POLE2: variants seen among roughly 807,000 people sequenced by gnomAD.
POLE2 encodes DNA polymerase epsilon subunit 2.
Under a neutral mutation model 79.4 loss-of-function variants are expected in POLE2, and 56 were observed. That is an observed-to-expected ratio of 0.71 (90% CI 0.57 to 0.88). The LOEUF is 0.88. Ranked by LOEUF, POLE2 falls within the 40% of genes least tolerant of loss-of-function variation. The probability of loss-of-function intolerance (pLI) is 0.00; values close to 1 mark genes in which losing one functional copy is unlikely to be tolerated. For missense variants in POLE2, 598 were observed against 638.9 expected, an observed-to-expected ratio of 0.94 and a Z score of 0.69; for synonymous variants, 212 against 214.0, an observed-to-expected ratio of 0.99 and a Z score of 0.08.
At chr14:49,686,269 TA>T (rs562000080) in intron 1 of POLE2, among the ~76,000 whole-genome samples, 113 of 152,088 alleles carry the variant, frequency 7.4e-4, no homozygotes, top group African/African-American at 2.4e-3. Context: ...AATTTAAAAG[TA>T]AAAAAAATTT....
At chr14:49,657,982 T>C (rs1388480359) in intron 10 of POLE2, among the ~76,000 whole-genome samples, 6 of 152,054 alleles carry the variant, frequency 3.9e-5, no homozygotes, top group Admixed American at 3.9e-4. Context: ...AGAGGTGAGA[T>C]TCAAATGCCC....
At chr14:49,673,929 G>A (rs1471103246) in intron 5 of POLE2, among the ~76,000 whole-genome samples, 194 bp downstream of exon 5, 1 of 152,116 alleles carries the variant, frequency 6.6e-6, no homozygotes. Flanking sequence ...TTGTTAAGGG[G>A]AAAATAGCTT....
chr14:49,683,824 C>T (rs896594882), intron 1 of POLE2, 131 bp from the exon 2 acceptor site: 2 of 553,698 alleles, frequency 3.6e-6, no homozygotes, highest in Non-Finnish European at 6.4e-6. Context: ...CTTCAAGTAG[C>T]ACTTTATCTT....
chr14:49,644,022 G>A (rs567331879), intron 18 of POLE2, among the ~76,000 whole-genome samples: 6 of 150,680 alleles, frequency 4.0e-5, no homozygotes, highest in East Asian at 2.0e-4. Flanking sequence ...TGAGATTATA[G>A]GCACTTGCCA....
In POLE2 at chr14:49,674,170, T is replaced by G. The variant is rs1886085436; in HGVS notation, c.370A>C (p.Arg124=). The G allele has an allele frequency of 1.2e-6, 2 of 1,613,660 alleles. No homozygotes were observed. The change falls in exon 5 of 19, where the codon AGA becomes CGA. Residue 124 remains arginine, a synonymous_variant. Coordinates refer to ENST00000216367, the MANE Select transcript of POLE2 (RefSeq NM_002692.4). ...HPAPNLFGTP[R]DKAEMFRERY... is the part of the protein sequence containing the mutation. ...TCACGAAACATCTCTGCTTTATCTC[T>G]TGGTGTTCCAAATAAATTTGGTGCA...
intron 5 of POLE2, among the ~76,000 whole-genome samples, chr14:49,672,811 T>C (rs932891901): frequency 2.6e-5 from 4 of 152,050 alleles, no homozygotes; most frequent in Non-Finnish European, 5.9e-5. Context: ...CCTCTTGTCT[T>C]TTTATCACTT....
At chr14:49,673,420 C>T (rs928152782) in intron 5 of POLE2, among the ~76,000 whole-genome samples, 4 of 152,170 alleles carry the variant, frequency 2.6e-5, no homozygotes, top group Admixed American at 2.6e-4. Context: ...CCACACTACT[C>T]CTGATTTTCT....
At chr14:49,671,100 G>T (rs1188028984) in intron 5 of POLE2, among the ~76,000 whole-genome samples, 1 of 152,184 alleles carries the variant, frequency 6.6e-6, no homozygotes, top group Non-Finnish European at 1.5e-5. Context: ...TTATTTCACA[G>T]ATGAATAAAC....
intron 10 of POLE2, among the ~76,000 whole-genome samples, chr14:49,660,709 T>A (rs1348629993): frequency 6.6e-6 from 1 of 152,078 alleles, no homozygotes; most frequent in East Asian, 1.9e-4. Context: ...CTGACCAACA[T>A]AGCGAAACCC....
At chr14:49,681,273 G>T in intron 2 of POLE2, 1 of 214,694 alleles carries the variant, frequency 4.7e-6, no homozygotes, top group South Asian at 8.6e-5. Flanking sequence ...ATGGCAGTGT[G>T]GCAGTGGCAA....
At chr14:49,679,573 G>A (rs1475214104) in intron 3 of POLE2, 152 bp downstream of exon 3, 1 of 545,994 alleles carries the variant, frequency 1.8e-6, no homozygotes, top group East Asian at 3.0e-5. Flanking sequence ...AATGAGGTTT[G>A]CAAAGAAAGC....
chr14:49,668,306 G>GGGGGAAC (rs1334401886), intron 6 of POLE2, among the ~76,000 whole-genome samples: 2 of 151,562 alleles, frequency 1.3e-5, no homozygotes, highest in Admixed American at 1.3e-4. Context: ...GAAGGGGGAA[G>GGGGGAAC]GGGGAAGGGA....
intron 2 of POLE2, 80 bp from the exon 3 acceptor site, chr14:49,679,880 A>G: frequency 1.3e-6 from 1 of 774,222 alleles, no homozygotes; most frequent in South Asian, 1.6e-5. Flanking sequence ...TTTCCCAAAA[A>G]TAATTTGCAA....
intron 10 of POLE2, among the ~76,000 whole-genome samples, chr14:49,658,353 G>T (rs1187628337): frequency 1.3e-5 from 2 of 152,184 alleles, no homozygotes; most frequent in African/African-American, 4.8e-5. Context: ...TGGGATTACA[G>T]GCCTGAGCCA....
Position 49,650,159 on chromosome 14 carries a change from C to G in POLE2, c.1497+106G>C, listed in dbSNP as rs1014207994. On this transcript the variant is annotated intron_variant, in intron 17 of 18. Coordinates refer to ENST00000216367, the MANE Select transcript of POLE2 (RefSeq NM_002692.4). ...ACTTAATTCAGTGTTTCACTAATAG[C>G]ATATTTTTACTTCGACAATAATCTT... is the stretch of plus-strand genomic sequence containing the variant. The G allele has an allele frequency of 5.3e-6, 3 of 563,432 alleles. No individual in the cohort carries two copies. In the African/African-American group the frequency reaches 5.9e-5, roughly 11 times the overall value. 34.9% of individuals were successfully genotyped at this position (563,432 alleles called of 1,614,324 possible).
chr14:49,662,127 G>C (rs1308887961), intron 10 of POLE2, among the ~76,000 whole-genome samples: 1 of 152,168 alleles, frequency 6.6e-6, no homozygotes, highest in Non-Finnish European at 1.5e-5. Context: ...CTCAAATAGA[G>C]GTGAGCTTGG....
intron 16 of POLE2, among the ~76,000 whole-genome samples, 162 bp downstream of exon 16, chr14:49,651,107 C>A (rs1180722222): frequency 6.6e-6 from 1 of 152,206 alleles, no homozygotes. Context: ...CTGAGAAACA[C>A]TGACTTCACT....
At chr14:49,680,403 G>C (rs1037267434) in intron 2 of POLE2, among the ~76,000 whole-genome samples, 2 of 151,968 alleles carry the variant, frequency 1.3e-5, no homozygotes, top group Non-Finnish European at 2.9e-5. Context: ...GGTTACATTA[G>C]TATAACTTTA....
rs532396803 is a variant in POLE2, at chr14:49,685,223, G to A, written c.69-1530C>T. 2.6e-5 allele frequency among the ~76,000 whole-genome samples: 4 copies of A among 152,220 alleles called. No individual in the cohort carries two copies. The South Asian group carries it at 8.3e-4, about 32-fold the overall frequency. On this transcript the variant is annotated intron_variant, in intron 1 of 18. Transcript: ENST00000216367. ...TATTGTTATAGCCATAACACTAATT[G>A]TTCTATATATTGGGTTGCTTTATTA...
Sources: allele counts gnomAD v4.1 joint callset (sites outside exome capture counted in the v4.1 genomes callset), GRCh38; gene constraint gnomAD v4.1.1; transcripts MANE v1.5; gene names NCBI Gene and HGNC (gene_info 2026-07-23, HGNC 2026-07-21).